The following AFAP1L2 variants were observed in gnomAD, a reference collection of about 807,000 sequenced individuals.
AFAP1L2 encodes the protein actin filament associated protein 1 like 2.
AFAP1L2 carries 46 observed loss-of-function variants against 99.3 expected under a neutral mutation model. The observed-to-expected ratio is 0.46, with a 90% confidence interval of 0.37 to 0.59. The LOEUF (loss-of-function observed/expected upper bound fraction) is 0.59, where lower values mean the gene tolerates loss of function less well. Ranked by LOEUF, AFAP1L2 falls within the 20% of genes least tolerant of loss-of-function variation. The pLI is 0.00. For missense variants in AFAP1L2, 959 were observed against 1,034.9 expected, an observed-to-expected ratio of 0.93 and a Z score of 1.01; for synonymous variants, 397 against 419.1, an observed-to-expected ratio of 0.95 and a Z score of 0.64.
rs551168039 is a variant in AFAP1L2, at chr10:114,296,753, C to T, written c.2430+225G>A. 2.0e-4 allele frequency: 118 copies of T among 579,384 alleles called. No individual in the cohort carries two copies. In the African/African-American group the frequency reaches 2.1e-3, roughly 10 times the overall value. 35.9% of individuals were successfully genotyped at this position (579,384 alleles called of 1,614,324 possible). A position where few individuals can be genotyped will look rare whatever the true frequency, so the allele number is the denominator to read the frequency against. On this transcript the variant is annotated intron_variant, in intron 18 of 18. Coordinates refer to ENST00000304129, the MANE Select transcript of AFAP1L2 (RefSeq NM_001001936.3). ...GGGCAAGAACTGAAGCATCCCCAAG[C>T]TCACAGGGAAGGATGCTCGAACCAA...
chr10:114,337,020 C>A (rs1429703251), intron 2 of AFAP1L2, among the ~76,000 whole-genome samples: 1 of 152,206 alleles, frequency 6.6e-6, no homozygotes, highest in Non-Finnish European at 1.5e-5. Flanking sequence ...GATCACCTCG[C>A]CTCCACCTAC....
intron 4 of AFAP1L2, among the ~76,000 whole-genome samples, chr10:114,327,147 T>TATATATATATATATATATATATA (rs2046408453): frequency 9.2e-5 from 5 of 54,538 alleles, no homozygotes; most frequent in Non-Finnish European, 1.9e-4. Context: ...TTATATATAT[T>TATATATATATATATATATATATA]TATATATATA....
chr10:114,321,206 T>C (rs2045234180), intron 5 of AFAP1L2, among the ~76,000 whole-genome samples: 1 of 152,204 alleles, frequency 6.6e-6, no homozygotes, highest in Non-Finnish European at 1.5e-5. Context: ...TGCACTGTCA[T>C]TCGAGTGGTG....
At position 114,304,800 on chromosome 10, in the gene AFAP1L2, G is replaced by A. The variant is rs147306509; in HGVS notation, c.1203C>T (p.Cys401=). ...VAQQPLSLVG[C]EVVPDPSPDH... ...CGGGGCTGGGGTCTGGGACCACCTCGCAGCCCACCAGGCTGAGGGGTTGCT... is the reference window on the plus strand; with the variant it reads ...CGGGGCTGGGGTCTGGGACCACCTCACAGCCCACCAGGCTGAGGGGTTGCT... The change falls in exon 11 of 19, where the codon TGC becomes TGT. Residue 401 remains cysteine, a synonymous_variant. Transcript: ENST00000304129. The A allele has an allele frequency of 4.2e-4, 679 of 1,613,262 alleles. 3 individuals carry two copies. The highest frequency in any genetic ancestry group is 1.7e-3 in the South Asian group (154 of 91,072).
intron 4 of AFAP1L2, among the ~76,000 whole-genome samples, chr10:114,327,175 T>TATATATA (rs1564880771): frequency 0.029 from 1,590 of 55,574 alleles, 309 homozygotes; most frequent in Non-Finnish European, 0.058. Context: ...ATATATATAT[T>TATATATA]TTTTTTTTAG....
intron 1 of AFAP1L2, among the ~76,000 whole-genome samples, chr10:114,394,443 G>C (rs1478447171): frequency 1.7e-5 from 2 of 117,104 alleles, no homozygotes; most frequent in African/African-American, 3.2e-5. Flanking sequence ...CTGGGGACCA[G>C]GAGAGAGTTG....
At chr10:114,336,377 C>CA (rs1455641570) in intron 2 of AFAP1L2, among the ~76,000 whole-genome samples, 2 of 152,252 alleles carry the variant, frequency 1.3e-5, no homozygotes, top group African/African-American at 4.8e-5. Flanking sequence ...GAAGTGCATT[C>CA]AGCATCAGCA....
downstream of AFAP1L2, among the ~76,000 whole-genome samples, chr10:114,294,105 AAC>A (rs2039848271): frequency 6.6e-6 from 1 of 152,156 alleles, no homozygotes; most frequent in Non-Finnish European, 1.5e-5. Context: ...TCAATCATTG[AAC>A]AACCCTTGAT....
At chr10:114,401,723 G>A (rs1321237683) in intron 1 of AFAP1L2, among the ~76,000 whole-genome samples, 1 of 152,124 alleles carries the variant, frequency 6.6e-6, no homozygotes, top group African/African-American at 2.4e-5. Flanking sequence ...TCTGCAACAG[G>A]CATGTCACAT....
intron 8 of AFAP1L2, among the ~76,000 whole-genome samples, chr10:114,309,682 A>T (rs2042925159): frequency 6.6e-6 from 1 of 152,180 alleles, no homozygotes; most frequent in South Asian, 2.1e-4. Context: ...CAGCCTTGAG[A>T]TAGTGCCCCA....
At chr10:114,286,081 C>T in the AFAP1L2 span, 4 of 1,614,116 alleles carry the variant, frequency 2.5e-6, no homozygotes, top group Non-Finnish European at 3.4e-6. Flanking sequence ...ACTCTCGGGC[C>T]CGAGTGGGTG....
downstream of AFAP1L2, chr10:114,290,491 T>C: frequency 7.3e-7 from 1 of 1,360,884 alleles, no homozygotes; most frequent in South Asian, 1.4e-5. Flanking sequence ...ATTCAGTCGT[T>C]TACCCACGAA....
intron 1 of AFAP1L2, among the ~76,000 whole-genome samples, chr10:114,368,790 AC>A (rs2053662689): frequency 2.6e-5 from 4 of 151,300 alleles, no homozygotes; most frequent in Non-Finnish European, 5.9e-5. Context: ...ACACACACAC[AC>A]ACACACACAC....
chr10:114,284,723 G>T, the AFAP1L2 span: 2 of 766,270 alleles, frequency 2.6e-6, no homozygotes, highest in African/African-American at 3.7e-5. Context: ...CTCTGCTGCA[G>T]ATTTCCTGGT....
chr10:114,307,097 C>A (rs1052607761), intron 10 of AFAP1L2, among the ~76,000 whole-genome samples: 1 of 152,156 alleles, frequency 6.6e-6, no homozygotes, highest in South Asian at 2.1e-4. Flanking sequence ...AAGATATTTC[C>A]CAAGAAAGGC....
chr10:114,380,214 C>A (rs1250177634), intron 1 of AFAP1L2, among the ~76,000 whole-genome samples: 1 of 152,206 alleles, frequency 6.6e-6, no homozygotes, highest in Admixed American at 6.5e-5. Context: ...AAGCCAATGG[C>A]TCCAGTGAAC....
intron 1 of AFAP1L2, among the ~76,000 whole-genome samples, chr10:114,397,963 T>C (rs1231148124): frequency 6.6e-6 from 1 of 152,064 alleles, no homozygotes; most frequent in Admixed American, 6.5e-5. Context: ...CATGGGTGCC[T>C]CTCCCCACTC....
At chr10:114,296,103 C>T in intron 18 of AFAP1L2, 35 bp from the exon 19 acceptor site, 2 of 1,613,602 alleles carry the variant, frequency 1.2e-6, no homozygotes, top group Non-Finnish European at 1.7e-6. Flanking sequence ...ACCCACCCCC[C>T]ACCAAAAAGA....
At chr10:114,335,453 A>G (rs2047815566) in intron 2 of AFAP1L2, among the ~76,000 whole-genome samples, 1 of 152,052 alleles carries the variant, frequency 6.6e-6, no homozygotes, top group Admixed American at 6.5e-5. Flanking sequence ...TCTACTAAAA[A>G]ATACAAAAAA....
Sources: gnomAD v4.1 joint callset for allele counts (sites outside exome capture counted in the v4.1 genomes callset) on GRCh38, gnomAD v4.1.1 for gene constraint, MANE v1.5 for transcripts, NCBI Gene and HGNC (gene_info 2026-07-23, HGNC 2026-07-21) for gene names.